The following GNG4 variants were observed in gnomAD, a reference collection of about 807,000 sequenced individuals.
GNG4 encodes the protein G protein subunit gamma 4.
GNG4 carries 4 observed loss-of-function variants against 5.8 expected under a neutral mutation model. That is an observed-to-expected ratio of 0.69 (90% CI 0.34 to 1.57). GNG4 has a LOEUF of 1.57. Among genes scored for constraint, GNG4 ranks in the 40% most tolerant of loss-of-function variants. GNG4 has a pLI of 0.06. For missense variants in GNG4, 96 were observed against 95.1 expected (o/e 1.01, Z -0.04); for synonymous variants, 29 against 32.9 (o/e 0.88, Z 0.41).
chr1:235,608,758 A>C (rs976230147), intron 1 of GNG4, among the ~76,000 whole-genome samples: 2 of 150,538 alleles, frequency 1.3e-5, no homozygotes, highest in Admixed American at 6.6e-5. Context: ...ATCTCGGCTC[A>C]CTGCAACCTC....
intron 1 of GNG4, among the ~76,000 whole-genome samples, chr1:235,612,968 G>C (rs1016408729): frequency 2.6e-5 from 4 of 152,162 alleles, no homozygotes; most frequent in African/African-American, 9.7e-5. Context: ...TCACATGAGG[G>C]AAGGGGCAAA....
At chr1:235,633,392 A>G (rs1390535841) in intron 1 of GNG4, among the ~76,000 whole-genome samples, 1 of 152,222 alleles carries the variant, frequency 6.6e-6, no homozygotes, top group Non-Finnish European at 1.5e-5. Flanking sequence ...CTTCTCATGT[A>G]CCATATGGCG....
At chr1:235,629,883 T>C (rs888606152) in intron 1 of GNG4, among the ~76,000 whole-genome samples, 2 of 152,168 alleles carry the variant, frequency 1.3e-5, no homozygotes, top group Non-Finnish European at 2.9e-5. Context: ...TGAGCCACCA[T>C]GCCTGGCTCA....
intron 1 of GNG4, among the ~76,000 whole-genome samples, chr1:235,612,539 T>A (rs1339533003): frequency 6.6e-6 from 1 of 152,100 alleles, no homozygotes; most frequent in Non-Finnish European, 1.5e-5. Context: ...GGGTAGGTTT[T>A]TTGGAGACGG....
chr1:235,609,874 CAAAAAA>C (rs1213601889), intron 1 of GNG4, among the ~76,000 whole-genome samples: 2 of 149,972 alleles, frequency 1.3e-5, no homozygotes, highest in Non-Finnish European at 3.0e-5. Context: ...GACCCTGTCT[CAAAAAA>C]AGAAAAGAAA....
At chr1:235,634,551 A>C (rs1424846927) in intron 1 of GNG4, among the ~76,000 whole-genome samples, 2 of 152,222 alleles carry the variant, frequency 1.3e-5, no homozygotes, top group Non-Finnish European at 2.9e-5. Flanking sequence ...GACTATGAAG[A>C]AACGCAGATT....
intron 1 of GNG4, among the ~76,000 whole-genome samples, chr1:235,621,007 G>A (rs1246235262): frequency 6.6e-6 from 1 of 152,092 alleles, no homozygotes; most frequent in Non-Finnish European, 1.5e-5. Flanking sequence ...GCCAGCACCA[G>A]GTGTCTGCTC....
chr1:235,601,414 C>T (rs1037683858), intron 1 of GNG4, among the ~76,000 whole-genome samples: 5 of 152,068 alleles, frequency 3.3e-5, no homozygotes, highest in Non-Finnish European at 7.4e-5. Context: ...ATGAGGGAGG[C>T]GCCCGGCTCT....
At chr1:235,570,753 C>T (rs72759799) in intron 3 of GNG4, among the ~76,000 whole-genome samples, 7,636 of 151,486 alleles carry the variant, frequency 0.05, 247 homozygotes, top group Middle Eastern at 0.086. Context: ...TCGAGTGCAG[C>T]GCCGCAATCT....
chr1:235,599,314 T>C (rs911229466), intron 1 of GNG4, among the ~76,000 whole-genome samples: 2 of 128,020 alleles, frequency 1.6e-5, no homozygotes, highest in South Asian at 4.8e-4. Context: ...GTTTGTTTTT[T>C]GGTTTGTTTT....
At chr1:235,641,169 T>A (rs975248640) in intron 1 of GNG4, among the ~76,000 whole-genome samples, 4 of 152,144 alleles carry the variant, frequency 2.6e-5, no homozygotes, top group African/African-American at 9.7e-5. Context: ...GAGGATCACT[T>A]GAGGCCAGGA....
intron 1 of GNG4, among the ~76,000 whole-genome samples, chr1:235,639,384 CAG>C (rs755144033): frequency 6.6e-5 from 10 of 152,230 alleles, no homozygotes; most frequent in Non-Finnish European, 1.2e-4. Flanking sequence ...CTTGCTGAAA[CAG>C]AGCCCCCAGC....
intron 1 of GNG4, among the ~76,000 whole-genome samples, chr1:235,636,211 C>T (rs751467471): frequency 5.3e-5 from 8 of 152,194 alleles, no homozygotes; most frequent in Non-Finnish European, 8.8e-5. Context: ...CAGAGTTATC[C>T]GCACTGCCTC....
intron 3 of GNG4, among the ~76,000 whole-genome samples, chr1:235,583,190 G>A (rs1360158771): frequency 6.6e-6 from 1 of 152,200 alleles, no homozygotes; most frequent in Non-Finnish European, 1.5e-5. Flanking sequence ...GCTCACCTCT[G>A]AGTGGCATCT....
intron 1 of GNG4, among the ~76,000 whole-genome samples, chr1:235,626,132 GGT>G (rs1688805376): frequency 6.6e-6 from 1 of 152,150 alleles, no homozygotes; most frequent in Non-Finnish European, 1.5e-5. Flanking sequence ...CATTCTAAAT[GGT>G]GTGTAGTGGT....
chr1:235,564,808 C>T (rs1191988088), intron 3 of GNG4, among the ~76,000 whole-genome samples: 1 of 152,152 alleles, frequency 6.6e-6, no homozygotes, highest in Non-Finnish European at 1.5e-5. Context: ...GCCTCAGCCC[C>T]CCGAGTAGCT....
At chr1:235,593,276 T>C (rs556204943) in intron 2 of GNG4, among the ~76,000 whole-genome samples, 1 of 152,302 alleles carries the variant, frequency 6.6e-6, no homozygotes, top group African/African-American at 2.4e-5. Flanking sequence ...ATGGGCTGCA[T>C]CTTGCAGCAC....
At chr1:235,609,225 A>T (rs1403325880) in intron 1 of GNG4, among the ~76,000 whole-genome samples, 1 of 152,172 alleles carries the variant, frequency 6.6e-6, no homozygotes, top group Admixed American at 6.6e-5. Flanking sequence ...AGAGTATTCC[A>T]TGATGCAGGT....
At chr1:235,613,777 T>C (rs1235524188) in intron 1 of GNG4, among the ~76,000 whole-genome samples, 1 of 152,216 alleles carries the variant, frequency 6.6e-6, no homozygotes, top group African/African-American at 2.4e-5. Flanking sequence ...ATGTGGTAAC[T>C]TGCTACGGCA....
Sources: allele counts gnomAD v4.1 joint callset (sites outside exome capture counted in the v4.1 genomes callset), GRCh38; gene constraint gnomAD v4.1.1; transcripts MANE v1.5; gene names NCBI Gene and HGNC (gene_info 2026-07-23, HGNC 2026-07-21).